DTD1: variants seen among roughly 807,000 people sequenced by gnomAD.
DTD1 encodes the protein D-aminoacyl-tRNA deacylase 1.
DTD1 carries 13 observed loss-of-function variants against 25.6 expected under a neutral mutation model. That is an observed-to-expected ratio of 0.51 (90% CI 0.33 to 0.81). The LOEUF (loss-of-function observed/expected upper bound fraction) is 0.81. DTD1 is among the 30% of genes least tolerant of loss of function. The probability of loss-of-function intolerance (pLI) is 0.02; values close to 1 mark genes in which losing one functional copy is unlikely to be tolerated. For missense variants in DTD1, 193 were observed against 266.4 expected (o/e 0.72, Z 1.92); for synonymous variants, 110 against 103.6 (o/e 1.06, Z -0.37).
chr20:18,617,720 T>C (rs992187995), intron 3 of DTD1, among the ~76,000 whole-genome samples: 5 of 151,342 alleles, frequency 3.3e-5, no homozygotes, highest in Admixed American at 1.3e-4. Context: ...TTTCTATCCA[T>C]CTATCCATTT....
chr20:18,719,711 T>C (rs1233643957), intron 4 of DTD1, among the ~76,000 whole-genome samples: 1 of 152,280 alleles, frequency 6.6e-6, no homozygotes, highest in Non-Finnish European at 1.5e-5. Flanking sequence ...CCACTGGGCA[T>C]GCCCCTCCTG....
At chr20:18,738,047 G>A (rs1297539846) in intron 4 of DTD1, among the ~76,000 whole-genome samples, 1 of 152,220 alleles carries the variant, frequency 6.6e-6, no homozygotes, top group Non-Finnish European at 1.5e-5. Flanking sequence ...TGTGAGTGGG[G>A]ATTGCCAATT....
intron 4 of DTD1, 29 bp downstream of exon 4, chr20:18,628,262 G>T (rs78934288): frequency 1.9e-6 from 3 of 1,565,348 alleles, no homozygotes; most frequent in Non-Finnish European, 2.6e-6. Context: ...GCCTGGCTCC[G>T]TCCCTTGGGT....
intron 4 of DTD1, among the ~76,000 whole-genome samples, chr20:18,683,059 T>C (rs6075392): frequency 1 from 152,192 of 152,336 alleles, 76,025 homozygotes; most frequent in Middle Eastern, 1. Context: ...AGAGTTTTCC[T>C]ATTAGTCGGT....
chr20:18,608,049 T>C (rs1202893269), intron 3 of DTD1, among the ~76,000 whole-genome samples: 1 of 152,134 alleles, frequency 6.6e-6, no homozygotes, highest in Admixed American at 6.6e-5. Context: ...TGGCAGATTG[T>C]ACCTTTCAAG....
At chr20:18,672,774 G>A (rs2060955527) in intron 4 of DTD1, among the ~76,000 whole-genome samples, 1 of 152,176 alleles carries the variant, frequency 6.6e-6, no homozygotes, top group South Asian at 2.1e-4. Flanking sequence ...CTCATTGTAA[G>A]TGGTCCTGCT....
intron 4 of DTD1, among the ~76,000 whole-genome samples, chr20:18,732,805 A>G (rs985628090): frequency 6.6e-6 from 1 of 152,244 alleles, no homozygotes; most frequent in African/African-American, 2.4e-5. Context: ...ACTCAAACTT[A>G]CTTGATCATT....
chr20:18,730,746 T>A (rs1013774474), intron 4 of DTD1, among the ~76,000 whole-genome samples: 3 of 152,270 alleles, frequency 2.0e-5, no homozygotes, highest in African/African-American at 7.2e-5. Flanking sequence ...TAACATAATT[T>A]CCTTTATTAT....
intron 4 of DTD1, among the ~76,000 whole-genome samples, chr20:18,640,312 A>C (rs1336222588): frequency 6.6e-6 from 1 of 152,060 alleles, no homozygotes; most frequent in Non-Finnish European, 1.5e-5. Flanking sequence ...TTTTTATATC[A>C]ATTTTTGTTA....
chr20:18,599,147 G>T (rs538518993), intron 3 of DTD1, among the ~76,000 whole-genome samples: 2 of 152,020 alleles, frequency 1.3e-5, no homozygotes, highest in South Asian at 4.2e-4. Flanking sequence ...GAATAAAGCT[G>T]CTATAAACAT....
rs113354163 is a variant in DTD1 at position 18,623,084 on chromosome 20, C to T, written c.371-5043C>T. On this transcript the variant is annotated intron_variant, in intron 3 of 5. Coordinates refer to ENST00000377452, the MANE Select transcript of DTD1 (RefSeq NM_080820.6). ...TCTCCTGAGTAGCTGGGAGTACAGG[C>T]GTATGCCACCATGCCCAGCTAATTT... Among the ~76,000 whole-genome samples, 988 of 151,966 alleles carry T rather than the reference C, an allele frequency of 6.5e-3. 9 individuals are homozygous for T. The highest frequency in any genetic ancestry group is 0.023 in the African/African-American group (934 of 41,436).
intron 2 of DTD1, 95 bp from the exon 3 acceptor site, chr20:18,595,911 T>C (rs1056931364): frequency 1.9e-6 from 2 of 1,052,032 alleles, no homozygotes; most frequent in Non-Finnish European, 2.9e-6. Context: ...ATTATGTCCT[T>C]ATTTGACCGG....
intron 5 of DTD1, among the ~76,000 whole-genome samples, chr20:18,752,305 G>A (rs1432494307): frequency 6.6e-6 from 1 of 151,976 alleles, no homozygotes; most frequent in Non-Finnish European, 1.5e-5. Flanking sequence ...TTCTCCTTTT[G>A]GTATTCCAAT....
At chr20:18,631,686 C>G (rs936147038) in intron 4 of DTD1, 1 of 985,276 alleles carries the variant, frequency 1.0e-6, no homozygotes, top group African/African-American at 1.7e-5. Context: ...ATGGCTGGAG[C>G]CTTGTTTCCC....
chr20:18,634,126 G>A (rs1375520240), intron 4 of DTD1, among the ~76,000 whole-genome samples: 2 of 152,208 alleles, frequency 1.3e-5, no homozygotes, highest in Admixed American at 6.5e-5. Context: ...ATTACCTAGT[G>A]CATGATTGCT....
intron 3 of DTD1, among the ~76,000 whole-genome samples, chr20:18,601,705 C>G (rs1484497011): frequency 1.3e-5 from 2 of 151,862 alleles, no homozygotes; most frequent in African/African-American, 4.8e-5. Flanking sequence ...AGACCTGCAG[C>G]TGAGGGTCCT....
At chr20:18,751,994 A>G (rs1282129995) in intron 5 of DTD1, among the ~76,000 whole-genome samples, 1 of 151,984 alleles carries the variant, frequency 6.6e-6, no homozygotes, top group Non-Finnish European at 1.5e-5. Flanking sequence ...CAATACTTAA[A>G]TTTTTATTCC....
chr20:18,709,557 T>C (rs1296771717), intron 4 of DTD1, among the ~76,000 whole-genome samples: 1 of 152,220 alleles, frequency 6.6e-6, no homozygotes, highest in Non-Finnish European at 1.5e-5. Context: ...TCTCACCAGA[T>C]GGTTGGGCAG....
intron 5 of DTD1, among the ~76,000 whole-genome samples, chr20:18,747,368 T>A (rs2061304235): frequency 6.6e-6 from 1 of 152,164 alleles, no homozygotes; most frequent in African/African-American, 2.4e-5. Context: ...TGCCTGGAAC[T>A]GGCCCCAGCA....
Sources: allele counts gnomAD v4.1 joint callset (sites outside exome capture counted in the v4.1 genomes callset), GRCh38; gene constraint gnomAD v4.1.1; transcripts MANE v1.5; gene names NCBI Gene and HGNC (gene_info 2026-07-23, HGNC 2026-07-21).